PDE3B: variants seen among roughly 807,000 people sequenced by gnomAD.
PDE3B encodes the protein cGMP-inhibited 3',5'-cyclic phosphodiesterase 3B.
A neutral mutation model predicts 116.8 loss-of-function variants in PDE3B; 66 were observed. The observed-to-expected ratio is 0.56, with a 90% CI of 0.46 to 0.69. PDE3B has a LOEUF of 0.69. Among genes scored for constraint, PDE3B ranks in the 30% least tolerant of loss-of-function variants. The pLI, the probability that PDE3B is intolerant of heterozygous loss-of-function variation, is 0.00. For synonymous variants in PDE3B, 595 were observed against 533.6 expected (o/e 1.12, Z -1.59); for missense variants, 1,384 against 1,368.1 (o/e 1.01, Z -0.18).
At chr11:14,667,359 C>T (rs960792584) in intron 1 of PDE3B, among the ~76,000 whole-genome samples, 2 of 151,322 alleles carry the variant, frequency 1.3e-5, no homozygotes, top group Non-Finnish European at 1.5e-5. Flanking sequence ...GAGTGCAGCA[C>T]ACCAGCATGG....
At chr11:14,887,908 T>C in the PDE3B span, among the ~76,000 whole-genome samples, 2 of 152,200 alleles carry the variant, frequency 1.3e-5, no homozygotes, top group Non-Finnish European at 2.9e-5. Flanking sequence ...TTCTCCCTTA[T>C]AACAACAACC....
In PDE3B at chr11:14,644,683, G is replaced by C. The variant is rs534858355; in HGVS notation, c.608G>C (p.Cys203Ser). The change falls in exon 1 of 16, where the codon TGC becomes TCC. Residue 203 changes from cysteine to serine, a missense_variant. Cys to Ser is a moderately radical substitution (Grantham distance 112, BLOSUM62 -1). Transcript: ENST00000282096. ...AAGRLLLVLSCVGLLLTLAHP... is the reference protein window; with the variant it reads ...AAGRLLLVLSSVGLLLTLAHP... ...GGCAGGTTGCTGCTGGTGCTGAGCT[G>C]CGTAGGGCTGCTGCTGACGCTCGCG... 2.6e-6 allele frequency: 4 copies of C among 1,511,200 alleles called. No homozygotes were observed. Among genetic ancestry groups the C allele is most frequent in the African/African-American group, 2.8e-5 (2 of 72,622 alleles). The allele number at this position is 1,511,200 out of a possible 1,614,324, so 93.6% of individuals were successfully genotyped here.
chr11:14,818,448 T>A, intron 6 of PDE3B, 55 bp downstream of exon 6: 1 of 1,209,612 alleles, frequency 8.3e-7, no homozygotes, highest in Non-Finnish European at 1.2e-6. Flanking sequence ...TACAGTTAAG[T>A]CCTCAACATT....
At chr11:14,733,334 T>C (rs1856512002) in intron 1 of PDE3B, among the ~76,000 whole-genome samples, 1 of 152,240 alleles carries the variant, frequency 6.6e-6, no homozygotes, top group Admixed American at 6.5e-5. Context: ...TTTAATTTTT[T>C]ATTTTTTCTG....
Position 14,740,702 on chromosome 11 carries a change from G to A in PDE3B, c.979-31235G>A, listed in dbSNP as rs113190111. On this transcript the variant is annotated intron_variant, in intron 1 of 15. Coordinates refer to ENST00000282096, the MANE Select transcript of PDE3B (RefSeq NM_000922.4). Reference sequence around the variant, plus strand: ...CTTTTAATTGTGATGTTAGTGCATCGATTGTAGATCTTTTCTGCTTTCTCT... The same window carrying A: ...CTTTTAATTGTGATGTTAGTGCATCAATTGTAGATCTTTTCTGCTTTCTCT... 5.0e-3 allele frequency among the ~76,000 whole-genome samples: 756 copies of A among 152,096 alleles called. 10 individuals carry two copies. Among genetic ancestry groups the A allele is most frequent in the African/African-American group, 0.018 (736 of 41,516 alleles).
intron 1 of PDE3B, among the ~76,000 whole-genome samples, chr11:14,729,799 T>G (rs1856406392): frequency 2.6e-5 from 4 of 152,186 alleles, no homozygotes; most frequent in Admixed American, 2.6e-4. Context: ...GTTCAAATAC[T>G]TTGTAATAAA....
At position 14,835,887 on chromosome 11, in the gene PDE3B, G is replaced by A. The variant is rs533193746; in HGVS notation, c.2320+792G>A. 2.6e-5 allele frequency among the ~76,000 whole-genome samples: 4 copies of A among 152,304 alleles called. No individual in the cohort carries two copies. The East Asian group carries it at 7.7e-4, about 29-fold the overall frequency. ...AGGTGGGAGGATCTCTTGAGCCCAG[G>A]AGTTCAAGGCTGCAGTGAGCCATGA... On this transcript the variant is annotated intron_variant, in intron 11 of 15. Transcript: ENST00000282096.
the PDE3B span, among the ~76,000 whole-genome samples, chr11:14,898,393 G>C: frequency 6.6e-6 from 1 of 151,988 alleles, no homozygotes; most frequent in Non-Finnish European, 1.5e-5. Context: ...GCTGTCCAGG[G>C]GATGGGGCAG....
chr11:14,804,554 T>C (rs895365030), intron 5 of PDE3B, among the ~76,000 whole-genome samples: 1 of 152,132 alleles, frequency 6.6e-6, no homozygotes, highest in African/African-American at 2.4e-5. Context: ...AATACTGATA[T>C]TGTGCTTTTA....
At chr11:14,859,281 T>C (rs1847904561) in intron 13 of PDE3B, 35 bp downstream of exon 13, 1 of 1,446,016 alleles carries the variant, frequency 6.9e-7, no homozygotes, top group African/African-American at 1.4e-5. Context: ...ATTTAAAAAA[T>C]CTTTATTGTC....
intron 13 of PDE3B, among the ~76,000 whole-genome samples, chr11:14,859,649 A>AT (rs1185141634): frequency 2.0e-5 from 3 of 152,214 alleles, no homozygotes; most frequent in Non-Finnish European, 4.4e-5. Context: ...CCAGTTAATT[A>AT]TGTCTACCTC....
chr11:14,673,933 C>A, intron 1 of PDE3B: 1 of 1,385,514 alleles, frequency 7.2e-7, no homozygotes. Context: ...TCCTTATTAT[C>A]TGTGTTTCCA....
At chr11:14,893,136 A>C in the PDE3B span, among the ~76,000 whole-genome samples, 10 of 152,336 alleles carry the variant, frequency 6.6e-5, no homozygotes, top group East Asian at 1.7e-3. Flanking sequence ...ATATTTATTG[A>C]ATGTCTACTA....
chr11:14,853,439 G>A (rs912162365), intron 12 of PDE3B, among the ~76,000 whole-genome samples: 3 of 152,078 alleles, frequency 2.0e-5, no homozygotes, highest in Admixed American at 6.6e-5. Context: ...AGTACTCCTA[G>A]GTTTTCTGAA....
intron 1 of PDE3B, among the ~76,000 whole-genome samples, chr11:14,663,310 A>G (rs1393531160): frequency 5.3e-5 from 8 of 152,362 alleles, no homozygotes; most frequent in African/African-American, 1.4e-4. Flanking sequence ...TGAAGGAAGC[A>G]CTAAACATGG....
intron 1 of PDE3B, among the ~76,000 whole-genome samples, chr11:14,665,367 A>G (rs1274005822): frequency 2.6e-5 from 4 of 152,220 alleles, no homozygotes; most frequent in Admixed American, 1.3e-4. Context: ...CAAGACAGGG[A>G]TGCTGTCTCT....
At chr11:14,648,333 T>C (rs1853470980) in intron 1 of PDE3B, among the ~76,000 whole-genome samples, 1 of 152,108 alleles carries the variant, frequency 6.6e-6, no homozygotes, top group Non-Finnish European at 1.5e-5. Context: ...TAAATATTAC[T>C]TAAAGTTTTA....
At chr11:14,809,210 A>G (rs1859048318) in intron 5 of PDE3B, among the ~76,000 whole-genome samples, 1 of 152,226 alleles carries the variant, frequency 6.6e-6, no homozygotes, top group African/African-American at 2.4e-5. Context: ...AAGTTACCAT[A>G]TGACCCAGAA....
chr11:14,865,919 G>A (rs1464830702), intron 14 of PDE3B, among the ~76,000 whole-genome samples: 4 of 152,066 alleles, frequency 2.6e-5, no homozygotes, highest in African/African-American at 9.7e-5. Context: ...TTTAGGTCCC[G>A]CATATCATTT....
Sources: gnomAD v4.1 joint callset for allele counts (sites outside exome capture counted in the v4.1 genomes callset) on GRCh38, gnomAD v4.1.1 for gene constraint, MANE v1.5 for transcripts, NCBI Gene and HGNC (gene_info 2026-07-23, HGNC 2026-07-21) for gene names.